LRRC49: variants seen among roughly 807,000 people sequenced by gnomAD.
LRRC49 encodes leucine-rich repeat-containing protein 49.
LRRC49 carries 50 observed loss-of-function variants against 83.3 expected under a neutral mutation model. That is an observed-to-expected ratio of 0.60 (90% CI 0.48 to 0.76). The LOEUF is 0.76. LRRC49 is among the 30% of genes least tolerant of loss of function. The pLI, the probability that LRRC49 is intolerant of heterozygous loss-of-function variation, is 0.00. For missense variants in LRRC49, 704 were observed against 809.1 expected (o/e 0.87, Z 1.58); for synonymous variants, 286 against 283.3 (o/e 1.01, Z -0.10).
At chr15:70,942,306 G>A (rs768710576) in intron 8 of LRRC49, among the ~76,000 whole-genome samples, 134 of 152,164 alleles carry the variant, frequency 8.8e-4, no homozygotes, top group Non-Finnish European at 1.4e-3. Flanking sequence ...AAAAATTTTG[G>A]TGCATAAGGG....
chr15:71,004,170 A>G (rs912427228), intron 11 of LRRC49, among the ~76,000 whole-genome samples: 5 of 152,174 alleles, frequency 3.3e-5, no homozygotes, highest in Admixed American at 3.3e-4. Context: ...TTTCAGGCTC[A>G]TCTCCAGCTC....
At chr15:70,984,643 T>C (rs2037531019) in intron 11 of LRRC49, 1 of 154,618 alleles carries the variant, frequency 6.5e-6, no homozygotes, top group Non-Finnish European at 1.4e-5. Context: ...ACTATTATTA[T>C]TATACTTTAA....
intron 1 of LRRC49, chr15:70,859,357 A>G: frequency 1.3e-6 from 1 of 774,242 alleles, no homozygotes; most frequent in Non-Finnish European, 2.4e-6. Flanking sequence ...CTTGCCTGGA[A>G]GGGCTGACTG....
At chr15:70,947,907 G>C (rs1019753544) in intron 8 of LRRC49, among the ~76,000 whole-genome samples, 2 of 152,190 alleles carry the variant, frequency 1.3e-5, no homozygotes, top group African/African-American at 4.8e-5. Context: ...AGGACAATGG[G>C]TGTGGGATCA....
chr15:70,893,354 G>C, intron 1 of LRRC49: 1 of 582,044 alleles, frequency 1.7e-6, no homozygotes, highest in Non-Finnish European at 3.0e-6. Context: ...ACTAACTAGA[G>C]GGTTAAATTG....
In LRRC49 at chr15:71,050,532, C is replaced by T. The variant is rs1034427470; in HGVS notation, c.*920C>T. ...CTATTACCATAGCTAGAGATGATGC[C>T]ACTTCAGAAAAACAATCTTAGTCAA... On this transcript the variant is annotated 3_prime_UTR_variant, in exon 16 of 16. Transcript: ENST00000260382. 1 of 152,076 alleles carries T rather than the reference C, an allele frequency of 6.6e-6. No individual in the cohort carries two copies. Among genetic ancestry groups the T allele is most frequent in the Non-Finnish European group, 1.5e-5 (1 of 68,016 alleles). 9.4% of individuals were successfully genotyped at this position (152,076 alleles called of 1,614,324 possible). A position where few individuals can be genotyped will look rare whatever the true frequency, so the allele number is the denominator to read the frequency against.
At chr15:70,857,148 AC>A (rs1230521592) in intron 1 of LRRC49, among the ~76,000 whole-genome samples, 1 of 152,188 alleles carries the variant, frequency 6.6e-6, no homozygotes, top group African/African-American at 2.4e-5. Flanking sequence ...TGAGGATGAA[AC>A]AAAAGGAAGC....
intron 13 of LRRC49, among the ~76,000 whole-genome samples, chr15:71,011,394 A>G (rs1291441352): frequency 6.6e-6 from 1 of 152,128 alleles, no homozygotes; most frequent in East Asian, 1.9e-4. Context: ...ATTATTATCA[A>G]ACTTTGAATC....
chr15:70,992,381 G>A (rs530146305), intron 11 of LRRC49, among the ~76,000 whole-genome samples: 228 of 152,306 alleles, frequency 1.5e-3, no homozygotes, highest in African/African-American at 5.1e-3. Flanking sequence ...GGGGAGAGGC[G>A]CTCTGATTTT....
chr15:70,960,457 T>C (rs2036566746), intron 8 of LRRC49, among the ~76,000 whole-genome samples: 1 of 152,176 alleles, frequency 6.6e-6, no homozygotes, highest in African/African-American at 2.4e-5. Flanking sequence ...CATGTTCTTA[T>C]CAGAGCAAAA....
intron 1 of LRRC49, among the ~76,000 whole-genome samples, chr15:70,872,145 GCA>G (rs2033060366): frequency 6.6e-6 from 1 of 152,242 alleles, no homozygotes; most frequent in African/African-American, 2.4e-5. Context: ...TGCAATCCTG[GCA>G]CCTCGGGAGG....
At chr15:70,936,946 G>A in intron 8 of LRRC49, 124 bp downstream of exon 8, 2 of 642,390 alleles carry the variant, frequency 3.1e-6, no homozygotes, top group Non-Finnish European at 5.4e-6. Flanking sequence ...ATTAGAAAAT[G>A]ATAAGACAAA....
At chr15:70,921,657 T>C (rs2141136123) in intron 7 of LRRC49, among the ~76,000 whole-genome samples, 1 of 152,350 alleles carries the variant, frequency 6.6e-6, no homozygotes, top group Middle Eastern at 3.4e-3. Context: ...AGTTCTGAGC[T>C]GCAGTTCTCT....
intron 15 of LRRC49, among the ~76,000 whole-genome samples, chr15:71,044,055 T>C (rs1567114938): frequency 2.0e-5 from 3 of 152,194 alleles, no homozygotes; most frequent in Admixed American, 2.0e-4. Flanking sequence ...TAGTTGCTGA[T>C]CTCTAGTGAC....
chr15:71,007,056 T>A (rs1032493300), intron 11 of LRRC49, among the ~76,000 whole-genome samples: 1 of 152,028 alleles, frequency 6.6e-6, no homozygotes, highest in Non-Finnish European at 1.5e-5. Context: ...GCTAGTCTGG[T>A]AGAAATCAAG....
intron 6 of LRRC49, 128 bp downstream of exon 6, chr15:70,911,726 A>G (rs2034560206): frequency 1.7e-6 from 1 of 600,374 alleles, no homozygotes; most frequent in Admixed American, 3.3e-5. Flanking sequence ...GAAATTTCTA[A>G]GGTATCAAGC....
intron 11 of LRRC49, among the ~76,000 whole-genome samples, chr15:71,001,849 G>A (rs1287079225): frequency 3.9e-5 from 6 of 151,962 alleles, no homozygotes; most frequent in African/African-American, 9.7e-5. Flanking sequence ...CCGCCACCAC[G>A]CCCGGTTAAT....
chr15:71,025,945 T>C (rs1387768483), intron 14 of LRRC49, among the ~76,000 whole-genome samples: 1 of 152,174 alleles, frequency 6.6e-6, no homozygotes, highest in East Asian at 1.9e-4. Flanking sequence ...AACACCCCAC[T>C]GTCAACATTA....
chr15:71,028,959 G>A (rs1363879175), intron 14 of LRRC49, among the ~76,000 whole-genome samples: 1 of 152,020 alleles, frequency 6.6e-6, no homozygotes, highest in Non-Finnish European at 1.5e-5. Context: ...TTTCTGCTCT[G>A]ATATTTGTTA....
Sources: allele counts gnomAD v4.1 joint callset (sites outside exome capture counted in the v4.1 genomes callset), GRCh38; gene constraint gnomAD v4.1.1; transcripts MANE v1.5; gene names NCBI Gene and HGNC (gene_info 2026-07-23, HGNC 2026-07-21).